The following UGGT2 variants were observed in gnomAD, a reference collection of about 807,000 sequenced individuals.
The protein encoded by UGGT2 is UDP-glucose glycoprotein glucosyltransferase 2.
A neutral mutation model predicts 192.1 loss-of-function variants in UGGT2; 180 were observed. The observed-to-expected ratio is 0.94, with a 90% CI of 0.83 to 1.06. The LOEUF is 1.06. Among genes scored for constraint, UGGT2 ranks in the 50% least tolerant of loss-of-function variants. The probability of loss-of-function intolerance (pLI) is 0.00; values close to 1 mark genes in which losing one functional copy is unlikely to be tolerated. For synonymous variants in UGGT2, 580 were observed against 591.0 expected (o/e 0.98, Z 0.27); for missense variants, 1,849 against 1,795.7 (o/e 1.03, Z -0.54).
chr13:96,053,230 G>A lies in UGGT2; in HGVS notation c.83C>T (p.Thr28Met), dbSNP rs1182418685. 2 of 1,545,178 alleles carry A rather than the reference G, an allele frequency of 1.3e-6. No individual in the cohort carries two copies. The highest frequency in any genetic ancestry group is 1.9e-5 in the Admixed American group (1 of 52,910). The change falls in exon 1 of 39, where the codon ACG (threonine) becomes ATG (methionine). Residue 28 changes from threonine to methionine, a missense_variant. Thr to Met is a moderately conservative substitution (Grantham distance 81). Transcript: ENST00000376747. ...ALWLSQLGSG[T>M]VAASKSVTAH... ...AGTCACCGACTTGGACGCGGCGACC[G>A]TCCCGGAGCCGAGCTGCGAAAGCCA... is the stretch of plus-strand genomic sequence containing the variant.
intron 30 of UGGT2, 148 bp from the exon 31 acceptor site, chr13:95,863,862 A>G (rs992929709): frequency 7.6e-6 from 5 of 657,046 alleles, no homozygotes; most frequent in Admixed American, 5.3e-5. Flanking sequence ...TCTTAGCACA[A>G]TGTTGTAAAC....
At chr13:95,954,255 T>C (rs915001554) in intron 12 of UGGT2, among the ~76,000 whole-genome samples, 2 of 152,224 alleles carry the variant, frequency 1.3e-5, no homozygotes, top group African/African-American at 2.4e-5. Context: ...TCATTATGTA[T>C]GTAAACCAAA....
intron 12 of UGGT2, among the ~76,000 whole-genome samples, chr13:95,957,720 AGG>A (rs2050253435): frequency 1.3e-5 from 2 of 152,242 alleles, no homozygotes; most frequent in African/African-American, 2.4e-5. Context: ...CAAAGAGAAT[AGG>A]AAGGTTTCTT....
chr13:95,894,413 G>A, intron 24 of UGGT2, 149 bp downstream of exon 24: 2 of 549,430 alleles, frequency 3.6e-6, no homozygotes, highest in Non-Finnish European at 6.2e-6. Context: ...TAACTAACTG[G>A]AATTTATCTT....
At chr13:95,869,415 A>G (rs980334749) in intron 29 of UGGT2, among the ~76,000 whole-genome samples, 2 of 152,054 alleles carry the variant, frequency 1.3e-5, no homozygotes, top group Admixed American at 1.3e-4. Context: ...TAATGGGATG[A>G]CTGGGTCAAA....
At chr13:95,972,778 T>A in intron 10 of UGGT2, 107 bp from the exon 11 acceptor site, 1 of 794,114 alleles carries the variant, frequency 1.3e-6, no homozygotes, top group Non-Finnish European at 2.0e-6. Context: ...ATATTTTAGG[T>A]TTGGCAGGCC....
chr13:95,985,169 G>T, intron 9 of UGGT2: 1 of 701,850 alleles, frequency 1.4e-6, no homozygotes. Flanking sequence ...ATTTGTATTT[G>T]ATCTAATAAT....
At position 96,020,454 on chromosome 13, in the gene UGGT2, C is replaced by T. The variant is rs564489956; in HGVS notation, c.485+2586G>A. 3.3e-5 allele frequency among the ~76,000 whole-genome samples: 5 copies of T among 152,286 alleles called. No homozygotes were observed. The South Asian group carries it at 1.0e-3, about 32-fold the overall frequency. ...CCTGGGGGTGTCCATGTGTGGTAGT[C>T]TCTGAATGACAGTTTCCCTCTGGGC... On this transcript the variant is annotated intron_variant, in intron 4 of 38. Coordinates refer to ENST00000376747, the MANE Select transcript of UGGT2 (RefSeq NM_020121.4).
intron 1 of UGGT2, among the ~76,000 whole-genome samples, chr13:96,045,015 CA>C (rs2053267632): frequency 6.6e-6 from 1 of 151,916 alleles, no homozygotes; most frequent in South Asian, 2.1e-4. Context: ...ATCCGAATAC[CA>C]AAACCAGGAA....
intron 10 of UGGT2, among the ~76,000 whole-genome samples, chr13:95,978,135 C>A (rs1479951879): frequency 6.6e-6 from 1 of 151,894 alleles, no homozygotes; most frequent in East Asian, 1.9e-4. Flanking sequence ...CACAAGTGTA[C>A]CTACGTAACA....
intron 24 of UGGT2, among the ~76,000 whole-genome samples, chr13:95,891,876 T>G (rs1365559364): frequency 3.3e-5 from 5 of 152,160 alleles, no homozygotes; most frequent in Admixed American, 3.3e-4. Flanking sequence ...AAACACTTAC[T>G]TCAAATATGG....
At chr13:95,965,775 T>C (rs183028686) in intron 12 of UGGT2, among the ~76,000 whole-genome samples, 7 of 152,070 alleles carry the variant, frequency 4.6e-5, no homozygotes, top group Admixed American at 1.3e-4. Context: ...ATTATACAGA[T>C]GGCAAACAAG....
intron 38 of UGGT2, among the ~76,000 whole-genome samples, chr13:95,815,021 G>A (rs1426882179): frequency 6.6e-6 from 1 of 152,144 alleles, no homozygotes; most frequent in Admixed American, 6.5e-5. Flanking sequence ...ACATACTCAA[G>A]TATCAATTTA....
At chr13:95,865,625 C>T (rs972766335) in intron 30 of UGGT2, among the ~76,000 whole-genome samples, 2 of 152,158 alleles carry the variant, frequency 1.3e-5, no homozygotes, top group African/African-American at 4.8e-5. Context: ...GATCGGGCCA[C>T]TGAACTCCAG....
intron 27 of UGGT2, among the ~76,000 whole-genome samples, chr13:95,880,963 A>G (rs1026432647): frequency 2.0e-5 from 3 of 152,194 alleles, no homozygotes; most frequent in Non-Finnish European, 4.4e-5. Flanking sequence ...TCACAAGGTC[A>G]GGAGATCAAG....
At chr13:95,850,593 A>G (rs1259396420) in intron 36 of UGGT2, among the ~76,000 whole-genome samples, 1 of 152,218 alleles carries the variant, frequency 6.6e-6, no homozygotes, top group East Asian at 1.9e-4. Flanking sequence ...GAGACTGTGT[A>G]CGGGCCCAAC....
chr13:95,926,630 G>A (rs1194383343), intron 19 of UGGT2, among the ~76,000 whole-genome samples: 1 of 151,990 alleles, frequency 6.6e-6, no homozygotes, highest in African/African-American at 2.4e-5. Flanking sequence ...TACTATCTTG[G>A]TCTCCTCTCT....
At chr13:96,016,891 G>A (rs2052356377) in intron 4 of UGGT2, among the ~76,000 whole-genome samples, 1 of 152,176 alleles carries the variant, frequency 6.6e-6, no homozygotes. Flanking sequence ...CAGCAGCCAC[G>A]TGGGTTGTAT....
At position 95,823,359 on chromosome 13, in the gene UGGT2, T is replaced by G. The variant is rs1344523146; in HGVS notation, c.4528+9568A>C. 2.0e-5 allele frequency among the ~76,000 whole-genome samples: 3 copies of G among 152,252 alleles called. No homozygotes were observed. In the East Asian group the frequency reaches 5.8e-4, roughly 29 times the overall value. ...GTCTCAATCTATTTAGTGCTGTCAGTGGAGTACTTAAGTCCACCACTATTA... is the reference window on the plus strand; with the variant it reads ...GTCTCAATCTATTTAGTGCTGTCAGGGGAGTACTTAAGTCCACCACTATTA... On this transcript the variant is annotated intron_variant, in intron 38 of 38. Transcript: ENST00000376747.
Sources: allele counts gnomAD v4.1 joint callset (sites outside exome capture counted in the v4.1 genomes callset), GRCh38; gene constraint gnomAD v4.1.1; transcripts MANE v1.5; gene names NCBI Gene and HGNC (gene_info 2026-07-23, HGNC 2026-07-21).